LRRC19: variants seen among roughly 807,000 people sequenced by gnomAD.
The protein encoded by LRRC19 is leucine-rich repeat-containing protein 19.
A neutral mutation model predicts 33.3 loss-of-function variants in LRRC19; 33 were observed. That is an observed-to-expected ratio of 0.99 (90% CI 0.75 to 1.33). LRRC19 has a LOEUF of 1.33. Among genes scored for constraint, LRRC19 ranks in the 40% most tolerant of loss-of-function variants. LRRC19 has a pLI of 0.00. For missense variants in LRRC19, 463 were observed against 417.3 expected (o/e 1.11, Z -0.95); for synonymous variants, 184 against 152.3 (o/e 1.21, Z -1.53).
At chr9:26,998,272 T>C in intron 2 of LRRC19, 31 bp from the exon 3 acceptor site, 1 of 1,266,694 alleles carries the variant, frequency 7.9e-7, no homozygotes, top group African/African-American at 1.5e-5. Flanking sequence ...AAGGCATTAA[T>C]CAGAAAAAAA....
intron 2 of LRRC19, 114 bp from the exon 3 acceptor site, chr9:26,998,355 C>G (rs1252971069): frequency 3.3e-6 from 2 of 600,568 alleles, no homozygotes; most frequent in East Asian, 3.1e-5. Context: ...GGAAAAAAAC[C>G]TACTATCTAA....
intron 1 of LRRC19, among the ~76,000 whole-genome samples, chr9:27,004,471 T>C (rs1308877724): frequency 1.3e-5 from 2 of 152,174 alleles, no homozygotes; most frequent in Non-Finnish European, 2.9e-5. Context: ...AGGAGAAAGA[T>C]TGAAAGAGGG....
rs1003857828 is a variant in LRRC19 at position 26,998,039 on chromosome 9, T to A, written c.284A>T (p.Asn95Ile). ...ATTTAAAATTTCTAGACTGGAGAGG[T>A]TACCAAAACCGTTATTATGTAAGAT... ...VTILHNNGFG[N>I]LSSLEILNIC... is the part of the protein sequence containing the mutation. Residue 95 changes from asparagine (N) to isoleucine (I), a missense_variant, in exon 3 of 5, where the codon AAC becomes ATC. By Grantham distance (149) the Asn-to-Ile change is moderately radical. Transcript: ENST00000380055. The A allele has an allele frequency of 2.5e-6, 4 of 1,613,690 alleles. No homozygotes were observed. The highest frequency in any genetic ancestry group is 3.4e-6 in the Non-Finnish European group (4 of 1,179,744).
Position 26,993,722 on chromosome 9 carries a change from A to G in LRRC19, c.*1799T>C, listed in dbSNP as rs1827995227. The G allele has an allele frequency of 6.6e-6, 1 of 152,178 alleles. No homozygotes were observed. The highest frequency in any genetic ancestry group is 6.5e-5 in the Admixed American group (1 of 15,270). 9.4% of individuals were successfully genotyped at this position (152,178 alleles called of 1,614,324 possible). On this transcript the variant is annotated 3_prime_UTR_variant, in exon 5 of 5. Coordinates refer to ENST00000380055, the MANE Select transcript of LRRC19 (RefSeq NM_022901.3). ...AATAGCATACTATACCATACACAACATACACAGAAGTAGCATATTATACCC... is the reference window on the plus strand; with the variant it reads ...AATAGCATACTATACCATACACAACGTACACAGAAGTAGCATATTATACCC...
At position 26,997,799 on chromosome 9, in the gene LRRC19, C is replaced by T; in HGVS notation, c.524G>A (p.Gly175Glu). Residue 175 changes from glycine to glutamate, a missense_variant, in exon 3 of 5, where the codon GGA becomes GAA. Gly to Glu is a moderately conservative substitution (Grantham distance 98). Transcript: ENST00000380055. The part of the protein sequence containing the change: ...LFHLELITLY[G>E]NLWNCSCSLF... ...ACTGCAAGAGCAGTTCCATAGGTTT[C>T]CATATAAAGTTATTAATTCCAGATG... 6.2e-7 allele frequency: 1 copy of T among 1,613,998 alleles called. No homozygotes were observed. Among genetic ancestry groups the T allele is most frequent in the Non-Finnish European group, 8.5e-7 (1 of 1,179,984 alleles).
chr9:27,001,024 T>A (rs1828454785), intron 1 of LRRC19, among the ~76,000 whole-genome samples: 2 of 152,196 alleles, frequency 1.3e-5, no homozygotes, highest in Non-Finnish European at 2.9e-5. Flanking sequence ...GTCCACTTTT[T>A]TAGCTCCCAC....
chr9:27,005,202 T>C (rs1327025121), intron 1 of LRRC19, among the ~76,000 whole-genome samples: 8 of 152,158 alleles, frequency 5.3e-5, no homozygotes, highest in South Asian at 4.1e-4. Context: ...AGAATAGTTA[T>C]CAGCCTGCTT....
At chr9:27,003,771 A>G (rs1006615727) in intron 1 of LRRC19, among the ~76,000 whole-genome samples, 3 of 152,206 alleles carry the variant, frequency 2.0e-5, no homozygotes, top group Admixed American at 2.0e-4. Context: ...ATTTGGATGT[A>G]GATCATAATA....
At chr9:27,000,690 G>A (rs776876072) in intron 1 of LRRC19, among the ~76,000 whole-genome samples, 4 of 152,102 alleles carry the variant, frequency 2.6e-5, no homozygotes, top group Non-Finnish European at 4.4e-5. Context: ...TAAATTAGAC[G>A]AGAGGGAGAG....
At chr9:27,000,269 G>A (rs1828406349) in intron 1 of LRRC19, among the ~76,000 whole-genome samples, 2 of 152,202 alleles carry the variant, frequency 1.3e-5, no homozygotes, top group African/African-American at 4.8e-5. Flanking sequence ...CATGAAAGGA[G>A]CTTTAAAGCA....
chr9:26,999,970 T>A (rs191841940), intron 1 of LRRC19, among the ~76,000 whole-genome samples: 53 of 152,130 alleles, frequency 3.5e-4, no homozygotes, highest in Non-Finnish European at 6.6e-4. Flanking sequence ...GGGGTCACCA[T>A]GTGTTACTCA....
In LRRC19 at chr9:26,995,640, C is replaced by G; in HGVS notation, c.994G>C (p.Glu332Gln). ...ACTGTAGTTTCTTCAGAGTTTGTTT[C>G]TGGTATCTGTGAAAGAGAGCTTGGA... is the stretch of plus-strand genomic sequence containing the variant. ...GNPSSLSQIP[E>Q]TNSEETTVIF... Residue 332 changes from glutamate to glutamine, a missense_variant, in exon 5 of 5, where the codon GAA (glutamate) becomes CAA (glutamine). By Grantham distance (29) the Glu-to-Gln change is conservative. Transcript: ENST00000380055. 3.7e-6 allele frequency: 6 copies of G among 1,613,690 alleles called. No homozygotes were observed. Among genetic ancestry groups the G allele is most frequent in the Non-Finnish European group, 5.1e-6 (6 of 1,179,736 alleles).
Position 26,993,306 on chromosome 9 carries a change from A to G in LRRC19, c.*2215T>C, listed in dbSNP as rs942332966. On this transcript the variant is annotated 3_prime_UTR_variant, in exon 5 of 5. Coordinates refer to ENST00000380055, the MANE Select transcript of LRRC19 (RefSeq NM_022901.3). ...TATAATTAGGAAATAATTTAGCAGA[A>G]TGATACATTGTTTAGAAAAAGATAT... 4 of 152,182 alleles carry G rather than the reference A, an allele frequency of 2.6e-5. No individual in the cohort carries two copies. The highest frequency in any genetic ancestry group is 5.9e-5 in the Non-Finnish European group (4 of 67,998). 9.4% of individuals were successfully genotyped at this position (152,182 alleles called of 1,614,324 possible).
At chr9:27,002,369 GC>G (rs1828544063) in intron 1 of LRRC19, among the ~76,000 whole-genome samples, 2 of 152,216 alleles carry the variant, frequency 1.3e-5, no homozygotes, top group Non-Finnish European at 2.9e-5. Context: ...GTGAAGGTGG[GC>G]TGAGTCCGAA....
rs771218135 is a variant in LRRC19, at chr9:26,995,671, A to G, written c.963T>C (p.Thr321=). The G allele has an allele frequency of 6.2e-7, 1 of 1,613,948 alleles. No individual in the cohort carries two copies. Among genetic ancestry groups the G allele is most frequent in the Non-Finnish European group, 8.5e-7 (1 of 1,179,894 alleles). The change falls in exon 5 of 5, where the codon ACT becomes ACC. Residue 321 remains threonine, a synonymous_variant. Coordinates refer to ENST00000380055, the MANE Select transcript of LRRC19 (RefSeq NM_022901.3). ...HEAETYEDGF[T]GNPSSLSQIP... is the part of the protein sequence containing the mutation. ...TCTGTGAAAGAGAGCTTGGATTTCCAGTAAAACCATCTTCATAGGTTTCTG... is the reference window on the plus strand; with the variant it reads ...TCTGTGAAAGAGAGCTTGGATTTCCGGTAAAACCATCTTCATAGGTTTCTG...
At chr9:27,005,217 A>G (rs1313668169) in intron 1 of LRRC19, among the ~76,000 whole-genome samples, 1 of 151,982 alleles carries the variant, frequency 6.6e-6, no homozygotes, top group Non-Finnish European at 1.5e-5. Context: ...CTGCTTCAAT[A>G]ATCATCAACT....
rs41272237 is a variant in LRRC19 at position 26,995,789 on chromosome 9, G to T, written c.845C>A (p.Thr282Lys). ...AGCAATAAAAATGAGAAGTGAAGTC[G>T]TCAGTACAGTGACAACAACACCAAC... ...FLVGVVVTVL[T>K]TSLLIFIAIK... is the part of the protein sequence containing the mutation. Residue 282 changes from threonine (T) to lysine (K), a missense_variant, in exon 5 of 5, where the codon ACG becomes AAG. Transcript: ENST00000380055. 27 of 1,613,630 alleles carry T rather than the reference G, an allele frequency of 1.7e-5. No homozygotes were observed. Among genetic ancestry groups the T allele is most frequent in the Non-Finnish European group, 2.3e-5 (27 of 1,179,808 alleles).
chr9:26,999,333 A>C (rs1445862892), intron 2 of LRRC19, among the ~76,000 whole-genome samples: 5 of 152,162 alleles, frequency 3.3e-5, no homozygotes, highest in African/African-American at 1.2e-4. Context: ...TTTAAAAAAA[A>C]GTTTCCTACA....
chr9:26,997,988 A>G lies in LRRC19; in HGVS notation c.335T>C (p.Ile112Thr), dbSNP rs1587317656. The G allele has an allele frequency of 1.2e-6, 2 of 1,614,010 alleles. No individual in the cohort carries two copies. The highest frequency in any genetic ancestry group is 1.7e-6 in the Non-Finnish European group (2 of 1,179,976). ...TAAGCCTAAAAATGCACCCTGTTGAATTACATAGATGGAGTTTCTACAGAT... is the reference window on the plus strand; with the variant it reads ...TAAGCCTAAAAATGCACCCTGTTGAGTTACATAGATGGAGTTTCTACAGAT... ...LNICRNSIYV[I>T]QQGAFLGLNK... The change falls in exon 3 of 5, where the codon ATT becomes ACT. Residue 112 changes from isoleucine (I) to threonine (T), a missense_variant. Coordinates refer to ENST00000380055, the MANE Select transcript of LRRC19 (RefSeq NM_022901.3).
Sources: gnomAD v4.1 joint callset for allele counts (sites outside exome capture counted in the v4.1 genomes callset) on GRCh38, gnomAD v4.1.1 for gene constraint, MANE v1.5 for transcripts, NCBI Gene and HGNC (gene_info 2026-07-23, HGNC 2026-07-21) for gene names.